Variants in SYCP1 observed in about 807,000 individuals in gnomAD.
SYCP1 encodes the protein synaptonemal complex protein 1.
In SYCP1, 64 loss-of-function variants were observed where a neutral mutation model predicts 153.1. The observed-to-expected ratio is 0.42, with a 90% CI of 0.34 to 0.51. The LOEUF (loss-of-function observed/expected upper bound fraction) is 0.51, where lower values mean the gene tolerates loss of function less well. Ranked by LOEUF, SYCP1 falls within the 20% of genes least tolerant of loss-of-function variation. The probability of loss-of-function intolerance (pLI) is 0.06; values close to 1 mark genes in which losing one functional copy is unlikely to be tolerated. For missense variants in SYCP1, 997 were observed against 1,049.0 expected (o/e 0.95, Z 0.68); for synonymous variants, 384 against 341.8 (o/e 1.12, Z -1.36).
At chr1:114,896,722 G>A (rs1203737822) in intron 16 of SYCP1, among the ~76,000 whole-genome samples, 4 of 152,184 alleles carry the variant, frequency 2.6e-5, no homozygotes, top group Non-Finnish European at 5.9e-5. Flanking sequence ...AATATTTGTT[G>A]AATGAATACT....
rs755693098 is a variant in SYCP1, at chr1:114,886,177, G to T, written c.1058G>T (p.Cys353Phe). 1.2e-5 allele frequency: 20 copies of T among 1,611,290 alleles called. No individual in the cohort carries two copies. The highest frequency in any genetic ancestry group is 1.2e-4 in the Admixed American group (7 of 59,564). Residue 353 changes from cysteine (C) to phenylalanine (F), a missense_variant, in exon 14 of 32, where the codon TGT becomes TTT. Around this residue, in one of 2 missense-constraint regions of SYCP1, gnomAD observed 712 missense variants for 682.9 expected, o/e 1.04. Coordinates refer to ENST00000369522, the MANE Select transcript of SYCP1 (RefSeq NM_003176.4). ...TTACAGATAGCAACAAAAACAATTTGTCAGCTAACTGAAGAAAAAGAAACT... is the reference window on the plus strand; with the variant it reads ...TTACAGATAGCAACAAAAACAATTTTTCAGCTAACTGAAGAAAAAGAAACT... ...EDLQIATKTICQLTEEKETQM... is the reference protein window; with the variant it reads ...EDLQIATKTIFQLTEEKETQM...
intron 30 of SYCP1, among the ~76,000 whole-genome samples, chr1:114,986,940 A>C (rs1385169869): frequency 6.6e-6 from 1 of 152,008 alleles, no homozygotes; most frequent in Non-Finnish European, 1.5e-5. Flanking sequence ...TGTGTCAGGA[A>C]GCCATGCTCA....
intron 4 of SYCP1, 60 bp from the exon 5 acceptor site, chr1:114,857,384 T>A (rs1454801505): frequency 1.3e-6 from 2 of 1,531,550 alleles, no homozygotes; most frequent in African/African-American, 1.4e-5. Context: ...TGTATTTAAT[T>A]GTTATTATTT....
At position 114,876,129 on chromosome 1, in the gene SYCP1, C is replaced by T. The variant is rs142355824; in HGVS notation, c.718C>T (p.His240Tyr). The change falls in exon 10 of 32, where the codon CAT (histidine) becomes TAT (tyrosine). Residue 240 changes from histidine (H) to tyrosine (Y), a missense_variant. Transcript: ENST00000369522. ...VQAENSRLEM[H>Y]FKLKEDYEKI... ...AGCTGAGAATTCCAGACTGGAAATG[C>T]ATTTTAAGTGTAGGTATAGGGATCT... is the stretch of plus-strand genomic sequence containing the variant. 5 of 1,582,092 alleles carry T rather than the reference C, an allele frequency of 3.2e-6. No homozygotes were observed. Among genetic ancestry groups the T allele is most frequent in the Non-Finnish European group, 1.7e-6 (2 of 1,163,378 alleles).
chr1:114,988,657 C>A (rs1460315789), intron 30 of SYCP1, among the ~76,000 whole-genome samples: 1 of 151,830 alleles, frequency 6.6e-6, no homozygotes, highest in Non-Finnish European at 1.5e-5. Flanking sequence ...TCAAAAAGTA[C>A]TAAAGGGACA....
chr1:114,880,692 A>G (rs1395788906), intron 12 of SYCP1, among the ~76,000 whole-genome samples: 1 of 152,194 alleles, frequency 6.6e-6, no homozygotes, highest in Non-Finnish European at 1.5e-5. Context: ...TCTTTTGCTT[A>G]TGCCCAGATC....
Position 114,995,049 on chromosome 1 carries a change from T to C in SYCP1, c.*30T>C, listed in dbSNP as rs755677567. 56 of 1,553,154 alleles carry C rather than the reference T, an allele frequency of 3.6e-5. No individual in the cohort carries two copies. The highest frequency in any genetic ancestry group is 9.1e-5 in the East Asian group (4 of 44,162). ...AGAGAATCAGTGTAGTTAAGGAGCC[T>C]AATAACGTGAAACTTATAGTTAATA... On this transcript the variant is annotated 3_prime_UTR_variant, in exon 32 of 32. Transcript: ENST00000369522.
At chr1:114,918,893 T>C (rs360577) in intron 20 of SYCP1, among the ~76,000 whole-genome samples, 58,481 of 151,782 alleles carry the variant, frequency 0.39, 12,485 homozygotes, top group East Asian at 0.5. Context: ...ATCATTAGGC[T>C]TTTCCAAGTA....
intron 20 of SYCP1, among the ~76,000 whole-genome samples, chr1:114,917,859 G>A (rs75136051): frequency 0.031 from 4,743 of 151,716 alleles, 120 homozygotes; most frequent in Non-Finnish European, 0.042. Flanking sequence ...AGAGTTTTTT[G>A]AGCCCCTTAT....
At position 114,897,663 on chromosome 1, in the gene SYCP1, A is replaced by C. The variant is rs76730882; in HGVS notation, c.1320+2154A>C. The stretch of plus-strand genomic sequence containing the variant: ...GCGAAGAGAGGAGATAGGAGGAAAA[A>C]GGAAAAAACAAGGTTTTTTTCCAAA... On this transcript the variant is annotated intron_variant, in intron 16 of 31. Coordinates refer to ENST00000369522, the MANE Select transcript of SYCP1 (RefSeq NM_003176.4). Among the ~76,000 whole-genome samples, 1,016 of 152,252 alleles carry C rather than the reference A, an allele frequency of 6.7e-3. 9 individuals are homozygous for C. The highest frequency in any genetic ancestry group is 0.024 in the African/African-American group (986 of 41,530).
intron 20 of SYCP1, among the ~76,000 whole-genome samples, chr1:114,917,795 C>T (rs940218362): frequency 1.3e-4 from 20 of 152,084 alleles, no homozygotes; most frequent in African/African-American, 4.8e-4. Flanking sequence ...TGAAAAATGC[C>T]TATTTAGATC....
intron 15 of SYCP1, among the ~76,000 whole-genome samples, chr1:114,893,280 T>C (rs972009530): frequency 5.3e-5 from 8 of 152,176 alleles, no homozygotes; most frequent in Non-Finnish European, 1.0e-4. Flanking sequence ...TGTATCTCTA[T>C]CTTTATCTGT....
chr1:114,935,322 A>G (rs1669923063), intron 23 of SYCP1, among the ~76,000 whole-genome samples: 1 of 127,080 alleles, frequency 7.9e-6, no homozygotes, highest in Non-Finnish European at 1.9e-5. Context: ...TACATAACGA[A>G]ATGAAGGCAG....
intron 16 of SYCP1, 70 bp downstream of exon 16, chr1:114,895,579 A>G (rs1472643925): frequency 2.5e-6 from 2 of 785,150 alleles, no homozygotes; most frequent in Admixed American, 3.2e-5. Flanking sequence ...CTTAACTTAT[A>G]GACTCTCACA....
intron 9 of SYCP1, among the ~76,000 whole-genome samples, chr1:114,875,009 G>T (rs554780608): frequency 6.6e-6 from 1 of 152,110 alleles, no homozygotes; most frequent in East Asian, 1.9e-4. Flanking sequence ...ACCCTTTGCA[G>T]AACTTTTATG....
intron 16 of SYCP1, chr1:114,910,085 A>G (rs983037550): frequency 6.1e-6 from 1 of 164,982 alleles, no homozygotes; most frequent in Non-Finnish European, 1.3e-5. Flanking sequence ...AATCATTGTG[A>G]TGTCATGCTT....
At chr1:114,940,634 C>T (rs1439779229) in intron 23 of SYCP1, among the ~76,000 whole-genome samples, 1 of 152,152 alleles carries the variant, frequency 6.6e-6, no homozygotes, top group Non-Finnish European at 1.5e-5. Flanking sequence ...AGAGAGCACA[C>T]TCTGGTATGA....
intron 30 of SYCP1, among the ~76,000 whole-genome samples, chr1:114,986,313 A>C: frequency 6.6e-6 from 1 of 152,194 alleles, no homozygotes; most frequent in Non-Finnish European, 1.5e-5. Context: ...CTGCCAATTC[A>C]AAATGTAGTC....
chr1:114,860,483 G>A (rs1286862465), intron 7 of SYCP1, among the ~76,000 whole-genome samples: 1 of 152,028 alleles, frequency 6.6e-6, no homozygotes, highest in Non-Finnish European at 1.5e-5. Context: ...ACTTTTATTT[G>A]TTTATTTATT....
Sources: gnomAD v4.1 joint callset for allele counts (sites outside exome capture counted in the v4.1 genomes callset) on GRCh38, gnomAD v4.1.1 for gene constraint, gnomAD v4.1.1 regional missense constraint, MANE v1.5 for transcripts, NCBI Gene and HGNC (gene_info 2026-07-23, HGNC 2026-07-21) for gene names.